Variants in KRABD5 observed in about 807,000 individuals in gnomAD.
The protein encoded by KRABD5 is KRAB domain-containing protein 5.
At chr16:31,713,377 C>G in the KRABD5 span, 3 of 1,590,704 alleles carry the variant, frequency 1.9e-6, no homozygotes, top group Non-Finnish European at 1.7e-6. Flanking sequence ...ACTCTGTGAC[C>G]GGCAGGCACC....
the KRABD5 span, chr16:31,722,519 CAT>C: frequency 7.9e-7 from 1 of 1,269,416 alleles, no homozygotes; most frequent in South Asian, 1.3e-5. Context: ...TCAGGTCACT[CAT>C]ATAAATCAGT....
At chr16:31,750,846 G>T in the KRABD5 span, among the ~76,000 whole-genome samples, 1 of 151,884 alleles carries the variant, frequency 6.6e-6, no homozygotes, top group Non-Finnish European at 1.5e-5. Flanking sequence ...TGCAACCTCC[G>T]CCTCCTGGGT....
At chr16:31,723,402 T>C in the KRABD5 span, 65 of 1,552,638 alleles carry the variant, frequency 4.2e-5, 1 homozygote, top group African/African-American at 8.4e-4. Context: ...GGTCCAGAGA[T>C]TAAGAAAGAA....
At chr16:31,748,748 G>T in the KRABD5 span, among the ~76,000 whole-genome samples, 1 of 152,084 alleles carries the variant, frequency 6.6e-6, no homozygotes, top group East Asian at 1.9e-4. Flanking sequence ...TGATCTTTAA[G>T]GCTGCTGACC....
the KRABD5 span, among the ~76,000 whole-genome samples, chr16:31,735,102 CTCTT>C: frequency 5.3e-5 from 8 of 150,340 alleles, no homozygotes; most frequent in South Asian, 2.1e-4. Context: ...TTCTTTCTCT[CTCTT>C]TCTTTCTTTT....
chr16:31,752,682 C>G, the KRABD5 span, among the ~76,000 whole-genome samples: 2 of 152,004 alleles, frequency 1.3e-5, no homozygotes, highest in Admixed American at 6.6e-5. Flanking sequence ...CCTAAATGAC[C>G]TAGCAAGACC....
the KRABD5 span, among the ~76,000 whole-genome samples, chr16:31,749,037 G>A: frequency 6.6e-6 from 1 of 152,216 alleles, no homozygotes; most frequent in East Asian, 1.9e-4. Flanking sequence ...GGGCTGCCTG[G>A]ATTCCTCAGA....
the KRABD5 span, among the ~76,000 whole-genome samples, chr16:31,726,341 T>C: frequency 2.0e-5 from 3 of 152,236 alleles, no homozygotes; most frequent in South Asian, 6.2e-4. Flanking sequence ...TATGTCTTTT[T>C]AGGTCAATAT....
chr16:31,739,946 A>G, the KRABD5 span, among the ~76,000 whole-genome samples: 3 of 152,090 alleles, frequency 2.0e-5, no homozygotes, highest in African/African-American at 7.2e-5. Context: ...ATAACTAGCC[A>G]GAGCCCATCC....
the KRABD5 span, chr16:31,723,361 G>C: frequency 3.1e-6 from 5 of 1,609,634 alleles, no homozygotes; most frequent in South Asian, 2.2e-5. Context: ...CAGGTAGGTG[G>C]GAGTGAATGA....
the KRABD5 span, among the ~76,000 whole-genome samples, chr16:31,728,697 T>C: frequency 6.6e-6 from 1 of 152,222 alleles, no homozygotes; most frequent in African/African-American, 2.4e-5. Flanking sequence ...AAAGACTTAC[T>C]GCTTTTTACT....
the KRABD5 span, among the ~76,000 whole-genome samples, chr16:31,739,318 A>G: frequency 1.3e-5 from 2 of 152,172 alleles, no homozygotes; most frequent in East Asian, 3.8e-4. Flanking sequence ...GTTTTGGCAG[A>G]AAACATTTTC....
At chr16:31,741,684 A>G in the KRABD5 span, among the ~76,000 whole-genome samples, 1 of 151,706 alleles carries the variant, frequency 6.6e-6, no homozygotes, top group African/African-American at 2.4e-5. Flanking sequence ...TAAATTTCAT[A>G]TGGATTCTGG....
At chr16:31,718,747 C>G in the KRABD5 span, among the ~76,000 whole-genome samples, 1 of 152,150 alleles carries the variant, frequency 6.6e-6, no homozygotes, top group African/African-American at 2.4e-5. Flanking sequence ...TATCCTGGCC[C>G]CACAGAGTCA....
the KRABD5 span, chr16:31,759,411 AG>A: frequency 6.5e-7 from 1 of 1,535,260 alleles, no homozygotes; most frequent in East Asian, 2.5e-5. Context: ...CTTGAGAAAA[AG>A]GACCAAAGAC....
chr16:31,740,528 C>T, the KRABD5 span, among the ~76,000 whole-genome samples: 1 of 151,968 alleles, frequency 6.6e-6, no homozygotes, highest in Non-Finnish European at 1.5e-5. Flanking sequence ...AGATATTTTG[C>T]TAGGCAGAGT....
At chr16:31,720,769 G>A in the KRABD5 span, among the ~76,000 whole-genome samples, 2 of 152,120 alleles carry the variant, frequency 1.3e-5, no homozygotes, top group Non-Finnish European at 2.9e-5. Context: ...TGTGTTTCTA[G>A]GAGGGAGGAT....
the KRABD5 span, among the ~76,000 whole-genome samples, chr16:31,740,725 T>C: frequency 6.6e-6 from 1 of 152,018 alleles, no homozygotes; most frequent in South Asian, 2.1e-4. Flanking sequence ...CCCCAGGAAT[T>C]TGAGGCTAGG....
the KRABD5 span, among the ~76,000 whole-genome samples, chr16:31,729,178 C>T: frequency 6.6e-6 from 1 of 152,158 alleles, no homozygotes. Context: ...GTCCTTAAAT[C>T]AAAAGTGAGT....
Sources: allele counts gnomAD v4.1 joint callset (sites outside exome capture counted in the v4.1 genomes callset), GRCh38; gene constraint gnomAD v4.1.1; transcripts MANE v1.5; gene names NCBI Gene and HGNC (gene_info 2026-07-23, HGNC 2026-07-21).